The following CADM4 variants were observed in gnomAD, a reference collection of about 807,000 sequenced individuals.
CADM4 encodes cell adhesion molecule 4.
Under a neutral mutation model 43.9 loss-of-function variants are expected in CADM4, and 13 were observed. That is an observed-to-expected ratio of 0.30 (90% CI 0.19 to 0.47). The LOEUF (loss-of-function observed/expected upper bound fraction) is 0.47. Ranked by LOEUF, CADM4 falls within the 20% of genes least tolerant of loss-of-function variation. CADM4 has a pLI of 1.00. For synonymous variants in CADM4, 209 were observed against 220.9 expected, an observed-to-expected ratio of 0.95 and a Z score of 0.48; for missense variants, 420 against 527.0, an observed-to-expected ratio of 0.80 and a Z score of 1.99.
At chr19:43,641,792 T>G (rs1312079666), upstream of CADM4, among the ~76,000 whole-genome samples, 1 of 152,192 alleles carries the variant, frequency 6.6e-6, no homozygotes, top group Non-Finnish European at 1.5e-5. Context: ...TTCTGTGACT[T>G]TTGCTAGATG....
At chr19:43,637,123 C>T (rs1973715267) in intron 1 of CADM4, among the ~76,000 whole-genome samples, 1 of 152,076 alleles carries the variant, frequency 6.6e-6, no homozygotes, top group East Asian at 1.9e-4. Flanking sequence ...TCTCCTCTGC[C>T]CACCCTGGAT....
chr19:43,636,792 T>TG (rs371571994), intron 1 of CADM4, among the ~76,000 whole-genome samples: 1,297 of 9,064 alleles, frequency 0.14, 20 homozygotes, highest in African/African-American at 0.32. Flanking sequence ...GGTGGGTGGG[T>TG]GGGGGGGTCA....
At chr19:43,634,908 C>G (rs1973679686) in intron 1 of CADM4, among the ~76,000 whole-genome samples, 1 of 151,852 alleles carries the variant, frequency 6.6e-6, no homozygotes, top group Admixed American at 6.6e-5. Context: ...AGCCCCCAAC[C>G]ACCTCCTCTC....
upstream of CADM4, among the ~76,000 whole-genome samples, chr19:43,640,466 C>A (rs1428488171): frequency 1.3e-5 from 2 of 151,754 alleles, no homozygotes; most frequent in Non-Finnish European, 2.9e-5. Flanking sequence ...TCTCCCAGGG[C>A]AGGGCGAGGC....
chr19:43,624,829 G>T (rs1973495435), intron 7 of CADM4: 2 of 532,788 alleles, frequency 3.8e-6, no homozygotes, highest in African/African-American at 1.9e-5. Flanking sequence ...CTTCACAACA[G>T]CCTTGTTATA....
chr19:43,626,046 C>A lies in CADM4; in HGVS notation c.665-45G>T, dbSNP rs763797323. On this transcript the variant is annotated intron_variant, in intron 5 of 8. Coordinates refer to ENST00000222374, the MANE Select transcript of CADM4 (RefSeq NM_145296.2). The surrounding 1 kb of genome is among the most constrained non-coding windows in gnomAD (Gnocchi z 5.9). Reference sequence around the variant, plus strand: ...GGAGAGAGTAGTTTCCAAGCCATCACGCAGGACAAGGGGGACCCTCGCGGG... The same window carrying A: ...GGAGAGAGTAGTTTCCAAGCCATCAAGCAGGACAAGGGGGACCCTCGCGGG... 1 of 1,613,472 alleles carries A rather than the reference C, an allele frequency of 6.2e-7. No homozygotes were observed. Among genetic ancestry groups the A allele is most frequent in the Non-Finnish European group, 8.5e-7 (1 of 1,179,556 alleles).
upstream of CADM4, chr19:43,639,908 C>G (rs903358203): frequency 2.1e-5 from 15 of 704,094 alleles, no homozygotes; most frequent in Non-Finnish European, 2.4e-5. Context: ...GCGCCGAGGC[C>G]GGGGCGGGGC....
chr19:43,639,881 G>C, upstream of CADM4: 6 of 885,840 alleles, frequency 6.8e-6, no homozygotes, highest in Non-Finnish European at 8.1e-6. Context: ...CCCGCCCCCT[G>C]CCCGCCCGGG....
In CADM4 at chr19:43,626,535, A is replaced by C. The variant is rs932790153; in HGVS notation, c.500-247T>G. 3.3e-5 allele frequency among the ~76,000 whole-genome samples: 5 copies of C among 152,044 alleles called. No individual in the cohort carries two copies. The highest frequency in any genetic ancestry group is 6.5e-5 in the Admixed American group (1 of 15,270). ...TAATTGCTATATATATAAAAACATAAATTTATATATATACTTAGAGACAGG... is the reference window on the plus strand; with the variant it reads ...TAATTGCTATATATATAAAAACATACATTTATATATATACTTAGAGACAGG... On this transcript the variant is annotated intron_variant, in intron 4 of 8. Coordinates refer to ENST00000222374, the MANE Select transcript of CADM4 (RefSeq NM_145296.2). The surrounding 1 kb of genome is among the most constrained non-coding windows in gnomAD (Gnocchi z 5.9).
chr19:43,632,601 G>A (rs955940501), intron 1 of CADM4, among the ~76,000 whole-genome samples: 5 of 151,868 alleles, frequency 3.3e-5, no homozygotes, highest in Admixed American at 2.6e-4. Context: ...TGCTGAGCTC[G>A]CTCCCACCAC....
chr19:43,637,970 G>T (rs1973724540), intron 1 of CADM4, among the ~76,000 whole-genome samples: 1 of 152,094 alleles, frequency 6.6e-6, no homozygotes, highest in South Asian at 2.1e-4. Flanking sequence ...GGATTCATTA[G>T]TTCCAGGATT....
chr19:43,641,000 G>A (rs529397764), upstream of CADM4, among the ~76,000 whole-genome samples: 14 of 113,222 alleles, frequency 1.2e-4, no homozygotes, highest in Admixed American at 3.7e-4. Flanking sequence ...ACGGAGTCTC[G>A]CTCTGTTGCC....
chr19:43,626,000 G>A lies in CADM4; in HGVS notation c.666C>T (p.Tyr222=), dbSNP rs746113182. The A allele has an allele frequency of 6.2e-7, 1 of 1,614,198 alleles. No homozygotes were observed. ...KQTQYVLDVQ[Y]SPTARIHASQ... is the part of the protein sequence containing the mutation. ...AGGCATGAATCCGGGCCGTGGGGGA[G>A]TCTGTTAGGCAAAAGTAAGAGGAGA... Residue 222 remains tyrosine (Y), a splice_region_variant and synonymous_variant, in exon 6 of 9, where the codon TAC becomes TAT. Coordinates refer to ENST00000222374, the MANE Select transcript of CADM4 (RefSeq NM_145296.2). The surrounding 1 kb of genome is among the most constrained non-coding windows in gnomAD (Gnocchi z 4.5).
Position 43,639,762 on chromosome 19 carries a change from G to C in CADM4, c.29C>G (p.Pro10Arg). The C allele has an allele frequency of 1.9e-6, 2 of 1,026,424 alleles. No individual in the cohort carries two copies. The highest frequency in any genetic ancestry group is 1.8e-5 in the African/African-American group (1 of 56,988). 63.6% of individuals were successfully genotyped at this position (1,026,424 alleles called of 1,614,324 possible). The change falls in exon 1 of 9, where the codon CCG becomes CGG. Residue 10 changes from proline to arginine, a missense_variant. Physicochemically the swap from Pro to Arg is moderately radical, Grantham distance 103. Coordinates refer to ENST00000222374, the MANE Select transcript of CADM4 (RefSeq NM_145296.2). MGRARRFQW[P>R]LLLLWAAAAG... The stretch of plus-strand genomic sequence containing the variant: ...CGCGGCCGCCCACAGCAGCAGCAGC[G>C]GCCACTGGAAGCGCCGGGCCCGGCC...
Position 43,627,144 on chromosome 19 carries a change from C to T in CADM4, c.364+22G>A. The T allele has an allele frequency of 6.5e-7, 1 of 1,541,466 alleles. No homozygotes were observed. The highest frequency in any genetic ancestry group is 8.8e-7 in the Non-Finnish European group (1 of 1,140,354). On this transcript the variant is annotated intron_variant, in intron 3 of 8. Coordinates refer to ENST00000222374, the MANE Select transcript of CADM4 (RefSeq NM_145296.2). This position sits in a 1 kb window ranked among gnomAD's most constrained non-coding sequence, Gnocchi z 4.0. ...GAGAAGAAAGGAGGAGAGGATGCGT[C>T]TGACAAGGGGGAGGGCGTTACCTAG...
intron 1 of CADM4, among the ~76,000 whole-genome samples, chr19:43,633,529 C>T (rs1024259413): frequency 2.0e-5 from 3 of 152,210 alleles, no homozygotes. Flanking sequence ...AATGGGTTTA[C>T]TGCTGCACCC....
chr19:43,624,980 C>CT, intron 7 of CADM4, 98 bp downstream of exon 7: 1 of 1,300,910 alleles, frequency 7.7e-7, no homozygotes, highest in Non-Finnish European at 1.0e-6. Flanking sequence ...ACTCTGTTGG[C>CT]TGCCGAACCC....
intron 1 of CADM4, among the ~76,000 whole-genome samples, chr19:43,635,782 C>T (rs1437429419): frequency 6.8e-6 from 1 of 147,000 alleles, no homozygotes; most frequent in African/African-American, 2.5e-5. Flanking sequence ...AGTCTAAGAT[C>T]CCAGGCCCCT....
upstream of CADM4, among the ~76,000 whole-genome samples, chr19:43,640,978 C>G (rs921532565): frequency 7.2e-6 from 1 of 137,948 alleles, no homozygotes; most frequent in Non-Finnish European, 1.6e-5. Context: ...CCCCTCCCCC[C>G]TCCCCGCCCA....
Sources: allele counts gnomAD v4.1 joint callset (sites outside exome capture counted in the v4.1 genomes callset), GRCh38; gene constraint gnomAD v4.1.1; non-coding constraint Gnocchi (gnomAD v3.1); transcripts MANE v1.5; gene names NCBI Gene and HGNC (gene_info 2026-07-23, HGNC 2026-07-21).